ZNF808: variants seen among roughly 807,000 people sequenced by gnomAD.
ZNF808 encodes zinc finger protein 808.
Under a neutral mutation model 8.7 loss-of-function variants are expected in ZNF808, and 5 were observed. The observed-to-expected ratio is 0.58, with a 90% CI of 0.30 to 1.21. The LOEUF (loss-of-function observed/expected upper bound fraction) is 1.21. Ranked by LOEUF, ZNF808 falls within the 50% of genes most tolerant of loss-of-function variation. The probability of loss-of-function intolerance (pLI) is 0.07; values close to 1 mark genes in which losing one functional copy is unlikely to be tolerated. For missense variants in ZNF808, 1,103 were observed against 1,098.4 expected (o/e 1.00, Z -0.06); for synonymous variants, 380 against 366.0 (o/e 1.04, Z -0.44).
intron 1 of ZNF808, among the ~76,000 whole-genome samples, chr19:52,528,359 C>T (rs931291872): frequency 6.6e-6 from 1 of 152,282 alleles, no homozygotes; most frequent in African/African-American, 2.4e-5. Flanking sequence ...CCAAACCCTC[C>T]TGCGATTGTG....
At chr19:52,556,917 A>G (rs1375996338), downstream of ZNF808, among the ~76,000 whole-genome samples, 2 of 152,156 alleles carry the variant, frequency 1.3e-5, no homozygotes, top group Admixed American at 1.3e-4. Flanking sequence ...ATGTTGAAAC[A>G]TGGGCTGGAG....
At chr19:52,534,815 G>A (rs1486161067) in intron 2 of ZNF808, among the ~76,000 whole-genome samples, 1 of 152,040 alleles carries the variant, frequency 6.6e-6, no homozygotes, top group Admixed American at 6.6e-5. Context: ...CTTCAACCCA[G>A]GAGGCAGAGG....
intron 2 of ZNF808, among the ~76,000 whole-genome samples, chr19:52,539,558 T>TTTG (rs1568481745): frequency 3.5e-5 from 5 of 140,864 alleles, no homozygotes; most frequent in African/African-American, 1.3e-4. Context: ...GTTTTTTTTT[T>TTTG]TTTTTTTTTT....
Position 52,532,901 on chromosome 19 carries a change from T to G in ZNF808, c.-121-7T>G, listed in dbSNP as rs2059573866. 5.7e-6 allele frequency: 1 copy of G among 175,234 alleles called. No homozygotes were observed. Among genetic ancestry groups the G allele is most frequent in the African/African-American group, 2.4e-5 (1 of 41,984 alleles). 10.9% of individuals were successfully genotyped at this position (175,234 alleles called of 1,614,324 possible). A position where few individuals can be genotyped will look rare whatever the true frequency, so the allele number is the denominator to read the frequency against. On this transcript the variant is annotated splice_polypyrimidine_tract_variant and splice_region_variant and intron_variant, in intron 1 of 4. Coordinates refer to ENST00000359798, the MANE Select transcript of ZNF808 (RefSeq NM_001039886.4). ...ATTGGAAACGTATTGGTGTTTATAT[T>G]TTGTAGATATCTCTTCCAAATGCTT... is the stretch of plus-strand genomic sequence containing the variant.
intron 1 of ZNF808, among the ~76,000 whole-genome samples, chr19:52,530,246 G>A (rs2059549247): frequency 1.3e-5 from 2 of 152,064 alleles, no homozygotes; most frequent in South Asian, 4.1e-4. Context: ...TTTTAGTAGA[G>A]ACGAGGTTTC....
downstream of ZNF808, among the ~76,000 whole-genome samples, chr19:52,567,482 ATTT>A (rs751832324): frequency 0.14 from 12,864 of 91,340 alleles, 786 homozygotes; most frequent in African/African-American, 0.19. Flanking sequence ...GTCCAGCTGT[ATTT>A]TTTATTATTA....
chr19:52,543,195 T>C (rs1217563360), intron 2 of ZNF808, 71 bp from the exon 3 acceptor site: 3 of 1,514,166 alleles, frequency 2.0e-6, no homozygotes. Context: ...CATCTCCCGG[T>C]TCATGTGGTT....
chr19:52,559,945 A>T (rs905387861), downstream of ZNF808, among the ~76,000 whole-genome samples: 11 of 152,178 alleles, frequency 7.2e-5, no homozygotes, highest in East Asian at 2.1e-3. Flanking sequence ...CCCATGGTTT[A>T]TGTAGAAAAC....
chr19:52,549,697 C>T (rs28570374), intron 4 of ZNF808, among the ~76,000 whole-genome samples: 13,396 of 152,032 alleles, frequency 0.088, 719 homozygotes, highest in Middle Eastern at 0.15. Flanking sequence ...TCCTGCTCTC[C>T]ACCCTTGCCC....
chr19:52,564,354 T>TC (rs2059867385), exon 4 of ZNF808: 1 of 528,412 alleles, frequency 1.9e-6, no homozygotes, highest in Non-Finnish European at 3.4e-6. Flanking sequence ...TATATTTTTT[T>TC]CTCTCTGAAT....
rs371293032 is a variant in ZNF808 at position 52,553,180 on chromosome 19, G to A, written c.264G>A (p.Gly88=). The part of the protein sequence containing the change: ...GQGNREVIHT[G]TLQRHQSYHI... ...GCAATAGAGAAGTGATCCACACAGG[G>A]ACATTGCAAAGACATCAAAGTTATC... The change falls in exon 5 of 5, where the codon GGG becomes GGA. Residue 88 remains glycine (G), a synonymous_variant. Transcript: ENST00000359798. The A allele has an allele frequency of 3.1e-6, 5 of 1,612,670 alleles. No individual in the cohort carries two copies. The highest frequency in any genetic ancestry group is 4.2e-6 in the Non-Finnish European group (5 of 1,179,542).
intron 2 of ZNF808, among the ~76,000 whole-genome samples, chr19:52,533,595 G>C (rs1224048423): frequency 6.6e-6 from 1 of 151,442 alleles, no homozygotes; most frequent in Non-Finnish European, 1.5e-5. Context: ...AGTGGCTCAC[G>C]CCTGTAATCC....
chr19:52,546,844 A>G (rs1367772229), intron 3 of ZNF808, among the ~76,000 whole-genome samples: 1 of 149,902 alleles, frequency 6.7e-6, no homozygotes, highest in Non-Finnish European at 1.5e-5. Context: ...TGGTTTCGCC[A>G]TGTTGGCCAG....
chr19:52,562,996 C>T (rs960006516), intron 3 of ZNF808, among the ~76,000 whole-genome samples: 10 of 151,852 alleles, frequency 6.6e-5, no homozygotes, highest in Non-Finnish European at 1.2e-4. Flanking sequence ...GGCTGGTCTC[C>T]AACTCCTGAC....
chr19:52,547,410 G>A (rs2059732541), intron 3 of ZNF808, 102 bp from the exon 4 acceptor site: 17 of 1,591,594 alleles, frequency 1.1e-5, no homozygotes, highest in Non-Finnish European at 1.5e-5. Context: ...TCAGAACACA[G>A]TCTTTGATCA....
rs1407465950 is a variant in ZNF808 at position 52,553,539 on chromosome 19, A to G, written c.623A>G (p.Tyr208Cys). Residue 208 changes from tyrosine (Y) to cysteine (C), a missense_variant, in exon 5 of 5, where the codon TAT becomes TGT. Transcript: ENST00000359798. The part of the protein sequence containing the change: ...CRPQIHISNN[Y>C]GNNPLNSSLL... ...CCCCAAATCCATATTTCTAATAACT[A>G]TGGGAATAATCCCCTGAATTCTTCA... 3.7e-6 allele frequency: 6 copies of G among 1,614,216 alleles called. No individual in the cohort carries two copies. The highest frequency in any genetic ancestry group is 2.2e-5 in the East Asian group (1 of 44,884).
At chr19:52,567,438 T>TA, downstream of ZNF808, among the ~76,000 whole-genome samples, 1 of 148,912 alleles carries the variant, frequency 6.7e-6, no homozygotes, top group Non-Finnish European at 1.5e-5. Flanking sequence ...TTTTTTTTTT[T>TA]AAGACGGAGT....
At chr19:52,544,739 T>C (rs1322291404) in intron 3 of ZNF808, among the ~76,000 whole-genome samples, 2 of 152,100 alleles carry the variant, frequency 1.3e-5, no homozygotes, top group Non-Finnish European at 2.9e-5. Flanking sequence ...CCCCTCTTGG[T>C]CTCCCAAATT....
intron 2 of ZNF808, among the ~76,000 whole-genome samples, chr19:52,542,278 T>G (rs906411586): frequency 6.6e-6 from 1 of 152,090 alleles, no homozygotes; most frequent in African/African-American, 2.4e-5. Flanking sequence ...GAAAAATGTT[T>G]GAAAACCATG....
Sources: allele counts gnomAD v4.1 joint callset (sites outside exome capture counted in the v4.1 genomes callset), GRCh38; gene constraint gnomAD v4.1.1; transcripts MANE v1.5; gene names NCBI Gene and HGNC (gene_info 2026-07-23, HGNC 2026-07-21).